The following NAALADL2 variants were observed in gnomAD, a reference collection of about 807,000 sequenced individuals.
NAALADL2 encodes N-acetylated alpha-linked acidic dipeptidase like 2.
In NAALADL2, 76 loss-of-function variants were observed where a neutral mutation model predicts 87.2. The observed-to-expected ratio is 0.87, with a 90% CI of 0.72 to 1.05. NAALADL2 has a LOEUF of 1.05. NAALADL2 is among the 50% of genes least tolerant of loss of function. The pLI is 0.00. For synonymous variants in NAALADL2, 354 were observed against 331.0 expected, an observed-to-expected ratio of 1.07 and a Z score of -0.75; for missense variants, 1,089 against 945.8, an observed-to-expected ratio of 1.15 and a Z score of -1.99.
intron 2 of NAALADL2, among the ~76,000 whole-genome samples, chr3:175,228,489 A>G (rs1352849052): frequency 6.6e-6 from 1 of 151,884 alleles, no homozygotes; most frequent in Non-Finnish European, 1.5e-5. Flanking sequence ...CTGAGGTGAC[A>G]GAATCATAAG....
chr3:174,853,103 A>C (rs6797881), intron 3 of NAALADL2, among the ~76,000 whole-genome samples: 71,103 of 150,374 alleles, frequency 0.47, 17,451 homozygotes, highest in African/African-American at 0.6. Context: ...CAGTGGCTCA[A>C]GCCTGTAATC....
chr3:174,781,686 C>G (rs987807132), intron 3 of NAALADL2, among the ~76,000 whole-genome samples: 11 of 151,726 alleles, frequency 7.2e-5, no homozygotes, highest in African/African-American at 2.7e-4. Flanking sequence ...AGAAATAAAT[C>G]AGATAGGAAG....
chr3:175,719,646 A>G (rs1005245041), intron 11 of NAALADL2, among the ~76,000 whole-genome samples: 2 of 152,180 alleles, frequency 1.3e-5, no homozygotes, highest in African/African-American at 4.8e-5. Context: ...CTGGTTTCCC[A>G]TTGCACTTAC....
chr3:174,746,682 T>C (rs1734291434), intron 3 of NAALADL2, among the ~76,000 whole-genome samples: 1 of 152,088 alleles, frequency 6.6e-6, no homozygotes, highest in Non-Finnish European at 1.5e-5. Flanking sequence ...CTTCAAACTA[T>C]ACTACAAGGC....
At chr3:174,822,288 A>C (rs73174763) in intron 3 of NAALADL2, among the ~76,000 whole-genome samples, 15,838 of 152,142 alleles carry the variant, frequency 0.1, 962 homozygotes, top group Middle Eastern at 0.15. Context: ...GCCCCTGCTT[A>C]TTGCACAGGA....
Position 175,010,708 on chromosome 3 carries a change from G to A in NAALADL2, c.44-86082G>A, listed in dbSNP as rs571221206. On this transcript the variant is annotated intron_variant, in intron 1 of 13. Transcript: ENST00000454872. Reference sequence around the variant, plus strand: ...GATCTTCTTGCCTATGTCTTTTAGTGAAATGATTTGGTGCTTCCATTGGCA... The same window carrying A: ...GATCTTCTTGCCTATGTCTTTTAGTAAAATGATTTGGTGCTTCCATTGGCA... 7.4e-4 allele frequency among the ~76,000 whole-genome samples: 112 copies of A among 152,246 alleles called. 2 individuals carry two copies. The South Asian group carries it at 0.023, about 31-fold the overall frequency.
intron 6 of NAALADL2, among the ~76,000 whole-genome samples, chr3:175,456,552 A>AT (rs1024748941): frequency 5.9e-5 from 9 of 151,926 alleles, no homozygotes; most frequent in African/African-American, 1.9e-4. Flanking sequence ...TCAACGGTGA[A>AT]TTTTTTTTAA....
intron 10 of NAALADL2, among the ~76,000 whole-genome samples, chr3:175,619,074 T>G (rs1053632906): frequency 6.6e-6 from 1 of 152,122 alleles, no homozygotes; most frequent in African/African-American, 2.4e-5. Flanking sequence ...GGAGGGTGTA[T>G]GGAGCCATTA....
chr3:175,079,025 C>T (rs774781681), intron 1 of NAALADL2, among the ~76,000 whole-genome samples: 15 of 152,184 alleles, frequency 9.9e-5, no homozygotes, highest in Non-Finnish European at 1.9e-4. Flanking sequence ...TCCAAAGCAG[C>T]TGCACCATTA....
chr3:175,001,018 G>T (rs140722112), intron 1 of NAALADL2, among the ~76,000 whole-genome samples: 1 of 152,286 alleles, frequency 6.6e-6, no homozygotes, highest in Non-Finnish European at 1.5e-5. Context: ...GGGATCCATA[G>T]CTAGGGTGGC....
At chr3:175,552,862 A>G (rs1340266418) in intron 9 of NAALADL2, among the ~76,000 whole-genome samples, 1 of 152,122 alleles carries the variant, frequency 6.6e-6, no homozygotes, top group Non-Finnish European at 1.5e-5. Flanking sequence ...GAGGATAGGG[A>G]AGATGTTTAA....
intron 3 of NAALADL2, among the ~76,000 whole-genome samples, chr3:174,814,313 T>C (rs1445464865): frequency 1.3e-5 from 2 of 151,976 alleles, no homozygotes; most frequent in Non-Finnish European, 1.5e-5. Context: ...TTCACCTTGT[T>C]AGCCAGGATG....
At chr3:174,946,706 G>A (rs1739477669) in intron 1 of NAALADL2, among the ~76,000 whole-genome samples, 1 of 152,102 alleles carries the variant, frequency 6.6e-6, no homozygotes, top group South Asian at 2.1e-4. Flanking sequence ...AAAGAGAAAG[G>A]GAGGGAAGAA....
chr3:175,302,681 T>C (rs1757226438), intron 4 of NAALADL2, among the ~76,000 whole-genome samples: 1 of 152,122 alleles, frequency 6.6e-6, no homozygotes, highest in Non-Finnish European at 1.5e-5. Context: ...TACTATTTTC[T>C]AGTATAGTAC....
intron 2 of NAALADL2, among the ~76,000 whole-genome samples, chr3:174,600,012 C>A (rs1211284956): frequency 6.6e-6 from 1 of 152,058 alleles, no homozygotes; most frequent in Non-Finnish European, 1.5e-5. Context: ...CTTCAAGTAA[C>A]TTAGATAGGA....
intron 2 of NAALADL2, among the ~76,000 whole-genome samples, chr3:175,125,819 G>A (rs895151717): frequency 1.2e-4 from 18 of 152,096 alleles, no homozygotes; most frequent in Admixed American, 1.3e-4. Context: ...TATTAGTGTC[G>A]TTTAAAGTTG....
chr3:174,797,228 C>A (rs796727983), intron 3 of NAALADL2, among the ~76,000 whole-genome samples: 2 of 151,056 alleles, frequency 1.3e-5, no homozygotes, highest in South Asian at 2.1e-4. Flanking sequence ...TTTCCCCAGG[C>A]GGCTTCATCA....
intron 2 of NAALADL2, among the ~76,000 whole-genome samples, chr3:174,652,517 G>A (rs1724471105): frequency 6.6e-6 from 1 of 152,136 alleles, no homozygotes; most frequent in African/African-American, 2.4e-5. Context: ...CATGGCAGCA[G>A]GCAAGAGACT....
intron 2 of NAALADL2, among the ~76,000 whole-genome samples, chr3:174,598,456 A>C (rs1318970849): frequency 1.3e-5 from 2 of 152,288 alleles, no homozygotes; most frequent in East Asian, 3.9e-4. Context: ...TTTTAAGATT[A>C]AGTGAAAATG....
Sources: gnomAD v4.1 joint callset for allele counts (sites outside exome capture counted in the v4.1 genomes callset) on GRCh38, gnomAD v4.1.1 for gene constraint, MANE v1.5 for transcripts, NCBI Gene and HGNC (gene_info 2026-07-23, HGNC 2026-07-21) for gene names.